FYN: variants seen among roughly 807,000 people sequenced by gnomAD.
FYN encodes the protein FYN proto-oncogene, Src family tyrosine kinase, also known as tyrosine-protein kinase Fyn.
A neutral mutation model predicts 70.2 loss-of-function variants in FYN; 10 were observed. The observed-to-expected ratio is 0.14, with a 90% CI of 0.09 to 0.24. The LOEUF (loss-of-function observed/expected upper bound fraction) is 0.24. FYN is among the 10% of genes least tolerant of loss of function. The pLI is 1.00. For missense variants in FYN, 319 were observed against 673.1 expected, an observed-to-expected ratio of 0.47 and a Z score of 5.82; for synonymous variants, 236 against 248.6, an observed-to-expected ratio of 0.95 and a Z score of 0.48.
intron 12 of FYN, among the ~76,000 whole-genome samples, chr6:111,689,180 A>T (rs1184437200): frequency 1.3e-5 from 2 of 152,184 alleles, no homozygotes; most frequent in Non-Finnish European, 2.9e-5. Context: ...CATTTTACAG[A>T]TGATAAAAAT....
intron 2 of FYN, among the ~76,000 whole-genome samples, chr6:111,812,986 A>G (rs1018779935): frequency 4.6e-5 from 7 of 152,284 alleles, no homozygotes; most frequent in South Asian, 2.1e-4. Context: ...CGCCTCACTC[A>G]TCTTTCTAGT....
At chr6:111,708,317 T>C (rs1800200435) in intron 5 of FYN, 1 of 326,740 alleles carries the variant, frequency 3.1e-6, no homozygotes, top group Non-Finnish European at 5.9e-6. Context: ...GTTAGTGTCC[T>C]TAACTTGGAT....
At position 111,873,323 on chromosome 6, in the gene FYN, C is replaced by G. The variant is rs1416334093; in HGVS notation, c.-478G>C. The G allele has an allele frequency of 3.3e-5, 5 of 150,324 alleles. No homozygotes were observed. Among genetic ancestry groups the G allele is most frequent in the African/African-American group, 1.2e-4 (5 of 41,178 alleles). The allele number at this position is 150,324 out of a possible 1,614,324, so 9.3% of individuals were successfully genotyped here. On this transcript the variant is annotated 5_prime_UTR_variant, in exon 1 of 14. Transcript: ENST00000354650. ...GGGCGGGTCTCGAAGGCCTTCGGCT[C>G]GCGGCGACCCCTCCTCCTCGCCCGC... is the stretch of plus-strand genomic sequence containing the variant.
chr6:111,845,454 T>C (rs917379757), intron 2 of FYN, among the ~76,000 whole-genome samples: 3 of 152,202 alleles, frequency 2.0e-5, no homozygotes, highest in Admixed American at 6.5e-5. Context: ...AGCCCGTGAC[T>C]AGCAGTAGAT....
intron 2 of FYN, among the ~76,000 whole-genome samples, chr6:111,799,236 C>G (rs1277189599): frequency 1.3e-5 from 2 of 152,154 alleles, no homozygotes; most frequent in Non-Finnish European, 2.9e-5. Context: ...AGAAAAGACT[C>G]AAGGGCACAG....
At chr6:111,763,557 C>G (rs1202925435) in intron 3 of FYN, among the ~76,000 whole-genome samples, 1 of 152,150 alleles carries the variant, frequency 6.6e-6, no homozygotes, top group African/African-American at 2.4e-5. Flanking sequence ...TGTTGGAAAC[C>G]TTCCAACATT....
rs1797733154 is a variant in FYN at position 111,661,597 on chromosome 6, G to A, written c.*142C>T. 2.7e-6 allele frequency: 2 copies of A among 731,408 alleles called. No individual in the cohort carries two copies. Among genetic ancestry groups the A allele is most frequent in the African/African-American group, 3.5e-5 (2 of 56,960 alleles). The allele number at this position is 731,408 out of a possible 1,614,324, so 45.3% of individuals were successfully genotyped here. ...GACAAGTGTCATTAATGAGGGCCAT[G>A]GAAGTTCGTCAGCTTCAGAGTCACA... On this transcript the variant is annotated 3_prime_UTR_variant, in exon 14 of 14. Coordinates refer to ENST00000354650, the MANE Select transcript of FYN (RefSeq NM_002037.5). The surrounding 1 kb of genome is among the most constrained non-coding windows in gnomAD (Gnocchi z 4.0).
At chr6:111,744,166 A>G (rs1402037491) in intron 3 of FYN, among the ~76,000 whole-genome samples, 1 of 152,204 alleles carries the variant, frequency 6.6e-6, no homozygotes, top group Non-Finnish European at 1.5e-5. Context: ...CCGTTATCCT[A>G]CTGTTAAATG....
chr6:111,786,652 A>C (rs945140866), intron 2 of FYN, among the ~76,000 whole-genome samples: 3 of 152,228 alleles, frequency 2.0e-5, no homozygotes, highest in African/African-American at 7.2e-5. Context: ...TGTCTTTCAC[A>C]ATGGTTGAAC....
chr6:111,815,494 A>T (rs901327856), intron 2 of FYN, among the ~76,000 whole-genome samples: 7 of 152,230 alleles, frequency 4.6e-5, no homozygotes, highest in African/African-American at 1.7e-4. Flanking sequence ...CAGCATAAAA[A>T]AAATCTAGGT....
intron 3 of FYN, among the ~76,000 whole-genome samples, chr6:111,721,135 C>T (rs1490232730): frequency 6.6e-6 from 1 of 152,218 alleles, no homozygotes; most frequent in Non-Finnish European, 1.5e-5. Flanking sequence ...TAATAAGGCA[C>T]CGCTTCCTCT....
intron 1 of FYN, among the ~76,000 whole-genome samples, chr6:111,863,494 G>T (rs1774021441): frequency 6.6e-6 from 1 of 152,288 alleles, no homozygotes; most frequent in South Asian, 2.1e-4. Flanking sequence ...GGATTTCACA[G>T]AAATACAGAT....
chr6:111,856,303 G>A (rs1358348895), intron 1 of FYN, among the ~76,000 whole-genome samples: 1 of 152,168 alleles, frequency 6.6e-6, no homozygotes, highest in Non-Finnish European at 1.5e-5. Flanking sequence ...GAAATATTGT[G>A]ATGTACACAT....
chr6:111,832,611 TTAA>T (rs1773049470), intron 2 of FYN, among the ~76,000 whole-genome samples: 1 of 143,744 alleles, frequency 7.0e-6, no homozygotes, highest in African/African-American at 2.8e-5. Context: ...GATCATCATT[TTAA>T]TTAATATATA....
chr6:111,811,616 G>C (rs920581611), intron 2 of FYN, among the ~76,000 whole-genome samples: 2 of 152,130 alleles, frequency 1.3e-5, no homozygotes, highest in Non-Finnish European at 2.9e-5. Context: ...CCTTACATAT[G>C]ATGAGGGTAG....
chr6:111,782,530 T>C (rs1771213963), intron 2 of FYN, among the ~76,000 whole-genome samples: 1 of 152,240 alleles, frequency 6.6e-6, no homozygotes, highest in South Asian at 2.1e-4. Flanking sequence ...TCTTGTTTAA[T>C]ACTTCTCTTT....
chr6:111,872,004 G>A (rs532277038), intron 1 of FYN, among the ~76,000 whole-genome samples: 1 of 152,296 alleles, frequency 6.6e-6, no homozygotes, highest in Non-Finnish European at 1.5e-5. Flanking sequence ...GAGACAAGAA[G>A]CATCGTGCCT....
chr6:111,785,175 T>C (rs970439912), intron 2 of FYN, among the ~76,000 whole-genome samples: 12 of 152,196 alleles, frequency 7.9e-5, no homozygotes, highest in African/African-American at 1.2e-4. Flanking sequence ...TCGTTCTCTC[T>C]CAATACTGTT....
Position 111,694,454 on chromosome 6 carries a change from C to A in FYN, c.1194G>T (p.Val398=). The change falls in exon 12 of 14, where the codon GTG becomes GTT. Residue 398 remains valine, a synonymous_variant. Transcript: ENST00000354650. This position sits in a 1 kb window ranked among gnomAD's most constrained non-coding sequence, Gnocchi z 5.0. ...HRDLRSANIL[V]GNGLICKIAD... ...CAATCTTGCATATGAGTCCATTCCC[C>A]ACTAGAATGTTTGCTGATCGCAGAT... 1 of 1,614,246 alleles carries A rather than the reference C, an allele frequency of 6.2e-7. No individual in the cohort carries two copies. The highest frequency in any genetic ancestry group is 1.3e-5 in the African/African-American group (1 of 75,058).
Sources: allele counts gnomAD v4.1 joint callset (sites outside exome capture counted in the v4.1 genomes callset), GRCh38; gene constraint gnomAD v4.1.1; non-coding constraint Gnocchi (gnomAD v3.1); transcripts MANE v1.5; gene names NCBI Gene and HGNC (gene_info 2026-07-23, HGNC 2026-07-21).